Variants in STON2 observed in about 807,000 individuals in gnomAD.
The protein encoded by STON2 is stonin 2.
In STON2, 29 loss-of-function variants were observed where a neutral mutation model predicts 65.7. The ratio of observed to expected loss-of-function variants is 0.44; its 90% confidence interval spans 0.33 to 0.60. STON2 has a LOEUF of 0.60. Among genes scored for constraint, STON2 ranks in the 20% least tolerant of loss-of-function variants. The pLI is 0.03. For missense variants in STON2, 1,054 were observed against 1,118.1 expected, an observed-to-expected ratio of 0.94 and a Z score of 0.82; for synonymous variants, 404 against 414.2, an observed-to-expected ratio of 0.98 and a Z score of 0.30.
rs1387555609 is a variant in STON2, at chr14:81,277,749, G to A, written c.1733C>T (p.Thr578Ile). 4 of 1,614,068 alleles carry A rather than the reference G, an allele frequency of 2.5e-6. No individual in the cohort carries two copies. The African/African-American group carries it at 5.3e-5, about 22-fold the overall frequency. ...CTTAATCACCTGTTCCCTCTCTGCT[G>A]TGTGGGCCACAGCAGGTTTGGGCTG... ...KYQPKPAVAH[T>I]AEREQVIKLG... The change falls in exon 6 of 8, where the codon ACA becomes ATA. Residue 578 changes from threonine to isoleucine, a missense_variant. Coordinates refer to ENST00000614646, the MANE Select transcript of STON2 (RefSeq NM_001394390.1).
At chr14:81,368,829 C>T (rs548317983) in intron 4 of STON2, among the ~76,000 whole-genome samples, 2 of 152,308 alleles carry the variant, frequency 1.3e-5, no homozygotes, top group South Asian at 4.1e-4. Flanking sequence ...TCTCTAGTCC[C>T]AGATTTGCCT....
chr14:81,379,102 T>C (rs1899391709), intron 3 of STON2, among the ~76,000 whole-genome samples: 1 of 152,250 alleles, frequency 6.6e-6, no homozygotes, highest in South Asian at 2.1e-4. Flanking sequence ...TTGCAGATGA[T>C]ATTTTTGTAT....
chr14:81,311,373 A>G (rs944280609), intron 5 of STON2, among the ~76,000 whole-genome samples: 9 of 152,164 alleles, frequency 5.9e-5, no homozygotes, highest in Admixed American at 5.2e-4. Flanking sequence ...GATGTTGAGA[A>G]GCACCAGATG....
intron 2 of STON2, among the ~76,000 whole-genome samples, chr14:81,416,382 C>T (rs146907827): frequency 3.2e-4 from 48 of 152,052 alleles, no homozygotes; most frequent in East Asian, 2.3e-3. Flanking sequence ...TTAGAAATTT[C>T]GGGAAAAAAA....
chr14:81,401,323 T>A (rs1383016323), upstream of STON2, among the ~76,000 whole-genome samples: 2 of 152,164 alleles, frequency 1.3e-5, no homozygotes, highest in African/African-American at 2.4e-5. Context: ...ACTTTATCTA[T>A]CCTTCCTTCA....
Position 81,413,245 on chromosome 14 carries a change from T to C in STON2, c.-199+13857A>G, listed in dbSNP as rs1901257478. 38 of 1,533,130 alleles carry C rather than the reference T, an allele frequency of 2.5e-5. 3 individuals carry two copies. The highest frequency in any genetic ancestry group is 3.3e-5 in the Non-Finnish European group (38 of 1,153,916). The allele number at this position is 1,533,130 out of a possible 1,614,324, so 95.0% of individuals were successfully genotyped here. A position where few individuals can be genotyped will look rare whatever the true frequency, so the allele number is the denominator to read the frequency against. On this transcript the variant is annotated intron_variant, in intron 2 of 8. Transcript: ENST00000553821. The stretch of plus-strand genomic sequence containing the variant: ...TTCTGTTCAAATCTGGTTAAAAGCA[T>C]GGACTGTGCCACCCACCAGTGGTCC...
In STON2 at chr14:81,321,451, G is replaced by C. The variant is rs2140242227; in HGVS notation, c.742+2566C>G. ...GGTGGCCACAGCTGGGTATTGTTCT[G>C]AAGGCTTTTTGGAGGTGATGCAGCA... On this transcript the variant is annotated intron_variant, in intron 5 of 7. Transcript: ENST00000614646. Among the ~76,000 whole-genome samples the C allele has an allele frequency of 1.3e-5, 2 of 151,828 alleles. 1 individual carries two copies.
At chr14:81,342,997 T>C (rs1897673927) in intron 4 of STON2, among the ~76,000 whole-genome samples, 1 of 152,164 alleles carries the variant, frequency 6.6e-6, no homozygotes. Context: ...AGCCATCCTG[T>C]TATAAGTGGA....
chr14:81,275,196 T>A (rs1256294629), intron 6 of STON2, among the ~76,000 whole-genome samples: 5 of 152,206 alleles, frequency 3.3e-5, no homozygotes, highest in Non-Finnish European at 7.3e-5. Context: ...GAAATCACTT[T>A]GAAACAAATA....
At chr14:81,414,266 T>C (rs1356191058) in intron 2 of STON2, among the ~76,000 whole-genome samples, 1 of 98,172 alleles carries the variant, frequency 1.0e-5, no homozygotes, top group African/African-American at 5.9e-5. Context: ...CACTTGGACT[T>C]TTGAGTTTGA....
chr14:81,382,181 T>C (rs1899554783), intron 3 of STON2, among the ~76,000 whole-genome samples: 1 of 151,742 alleles, frequency 6.6e-6, no homozygotes, highest in African/African-American at 2.4e-5. Flanking sequence ...ATCGTGCCAC[T>C]GCATTCCAGC....
At chr14:81,373,757 G>GT (rs1356610306) in intron 3 of STON2, among the ~76,000 whole-genome samples, 1 of 152,094 alleles carries the variant, frequency 6.6e-6, no homozygotes, top group Non-Finnish European at 1.5e-5. Flanking sequence ...GTCTTAAAGG[G>GT]TAAGTTAGAA....
upstream of STON2, among the ~76,000 whole-genome samples, chr14:81,403,415 C>T (rs1900696646): frequency 6.6e-6 from 1 of 152,194 alleles, no homozygotes; most frequent in Non-Finnish European, 1.5e-5. Context: ...ACCCAAAACT[C>T]CTTTCTTTTT....
Position 81,332,993 on chromosome 14 carries a change from T to C in STON2, c.572-8806A>G. 5 of 526,884 alleles carry C rather than the reference T, an allele frequency of 9.5e-6. No homozygotes were observed. The East Asian group carries it at 1.3e-4, about 14-fold the overall frequency. 32.6% of individuals were successfully genotyped at this position (526,884 alleles called of 1,614,324 possible). On this transcript the variant is annotated intron_variant, in intron 4 of 7. Transcript: ENST00000614646. Reference sequence around the variant, plus strand: ...TTTTTAGCGACACCAACTTTGGCCTTTGCAGTCCCCCTGACTTTCCTCATT... The same window carrying C: ...TTTTTAGCGACACCAACTTTGGCCTCTGCAGTCCCCCTGACTTTCCTCATT...
Position 81,264,574 on chromosome 14 carries a change from T to C in STON2, c.*3840A>G. ...ATAGTCCTTGCCTTCATGGATCCCA[T>C]TTATCAGAAACATAAGTTTCTAGGG... On this transcript the variant is annotated 3_prime_UTR_variant, in exon 8 of 8. Transcript: ENST00000614646. 3 of 984,782 alleles carry C rather than the reference T, an allele frequency of 3.0e-6. No individual in the cohort carries two copies. The highest frequency in any genetic ancestry group is 3.6e-6 in the Non-Finnish European group (3 of 829,336). The allele number at this position is 984,782 out of a possible 1,614,324, so 61.0% of individuals were successfully genotyped here.
chr14:81,305,574 G>T (rs901435423), intron 5 of STON2, among the ~76,000 whole-genome samples: 1 of 152,058 alleles, frequency 6.6e-6, no homozygotes, highest in East Asian at 1.9e-4. Flanking sequence ...TTGATCTATA[G>T]AAGTTTTTTT....
chr14:81,310,973 G>A (rs969836628), intron 5 of STON2, among the ~76,000 whole-genome samples: 1 of 152,160 alleles, frequency 6.6e-6, no homozygotes, highest in Non-Finnish European at 1.5e-5. Context: ...TCTATGGTGA[G>A]TCAACGGGTG....
intron 3 of STON2, among the ~76,000 whole-genome samples, chr14:81,388,834 T>C (rs1177903195): frequency 2.0e-5 from 3 of 152,192 alleles, no homozygotes; most frequent in Admixed American, 2.0e-4. Flanking sequence ...GTGTTATGTG[T>C]GTGTGCTAGT....
intron 3 of STON2, among the ~76,000 whole-genome samples, chr14:81,391,949 A>C (rs1024565853): frequency 6.6e-6 from 1 of 152,204 alleles, no homozygotes; most frequent in Non-Finnish European, 1.5e-5. Context: ...GCATTTGAAC[A>C]CTGTCATTTC....
Sources: allele counts gnomAD v4.1 joint callset (sites outside exome capture counted in the v4.1 genomes callset), GRCh38; gene constraint gnomAD v4.1.1; transcripts MANE v1.5; gene names NCBI Gene and HGNC (gene_info 2026-07-23, HGNC 2026-07-21).